Variants in COL22A1 observed in about 807,000 individuals in gnomAD.
COL22A1 encodes collagen type XXII alpha 1 chain.
A neutral mutation model predicts 248.9 loss-of-function variants in COL22A1; 221 were observed. The ratio of observed to expected loss-of-function variants is 0.89; its 90% CI spans 0.80 to 0.99. COL22A1 has a LOEUF of 0.99. Among genes scored for constraint, COL22A1 ranks in the 50% least tolerant of loss-of-function variants. The pLI is 0.00. For synonymous variants in COL22A1, 891 were observed against 793.4 expected, an observed-to-expected ratio of 1.12 and a Z score of -2.07; for missense variants, 2,240 against 2,179.0, an observed-to-expected ratio of 1.03 and a Z score of -0.56.
intron 49 of COL22A1, among the ~76,000 whole-genome samples, chr8:138,633,277 T>A (rs182856289): frequency 6.6e-6 from 1 of 152,326 alleles, no homozygotes; most frequent in Admixed American, 6.5e-5. Flanking sequence ...TCAATAAACA[T>A]CTGCCAAGTG....
intron 41 of COL22A1, among the ~76,000 whole-genome samples, chr8:138,671,572 G>T (rs555807796): frequency 1.3e-5 from 2 of 152,176 alleles, no homozygotes; most frequent in Non-Finnish European, 2.9e-5. Flanking sequence ...GCGTTCTCTC[G>T]CAGATCTTGC....
intron 4 of COL22A1, among the ~76,000 whole-genome samples, chr8:138,840,167 T>C (rs559947958): frequency 3.3e-5 from 5 of 152,266 alleles, no homozygotes; most frequent in Admixed American, 3.3e-4. Flanking sequence ...CCCAATGGCA[T>C]TTAAATTGGC....
At chr8:138,743,102 ATGAGGG>A (rs1362919295) in intron 22 of COL22A1, among the ~76,000 whole-genome samples, 4 of 138,850 alleles carry the variant, frequency 2.9e-5, no homozygotes, top group Admixed American at 1.4e-4. Context: ...GGTGGAGTTG[ATGAGGG>A]TGATGGTGGT....
chr8:138,659,521 T>TGTCTAAGAAAGAC (rs1823597240), intron 44 of COL22A1, among the ~76,000 whole-genome samples: 4 of 152,220 alleles, frequency 2.6e-5, no homozygotes, highest in African/African-American at 9.6e-5. Context: ...CCAGTCTTGG[T>TGTCTAAGAAAGAC]TGCTGCTGTC....
At chr8:138,755,882 G>A (rs1252572818) in intron 18 of COL22A1, 53 bp from the exon 19 acceptor site, 16 of 1,510,634 alleles carry the variant, frequency 1.1e-5, no homozygotes, top group African/African-American at 9.6e-5. Flanking sequence ...ACCTTCTGTG[G>A]CAGTCCCATC....
Position 138,709,310 on chromosome 8 carries a change from A to G in COL22A1, c.2518-5963T>C, listed in dbSNP as rs1586529493. Among the ~76,000 whole-genome samples the G allele has an allele frequency of 3.3e-5, 5 of 152,310 alleles. No homozygotes were observed. In the South Asian group the frequency reaches 1.0e-3, roughly 32 times the overall value. On this transcript the variant is annotated intron_variant, in intron 30 of 64. Transcript: ENST00000303045. The stretch of plus-strand genomic sequence containing the variant: ...TAGGTATATACCCAAAGGATTATAA[A>G]TCATGCTGCTATAAAGACACATGCA...
chr8:138,597,354 T>C (rs1257289610), intron 61 of COL22A1, among the ~76,000 whole-genome samples: 1 of 152,196 alleles, frequency 6.6e-6, no homozygotes, highest in African/African-American at 2.4e-5. Context: ...GTGTCCACCT[T>C]TTGGACATAG....
intron 1 of COL22A1, among the ~76,000 whole-genome samples, chr8:138,900,531 G>A: frequency 6.6e-6 from 1 of 152,198 alleles, no homozygotes. Context: ...ACTTCCTTAA[G>A]AAGAGGCTGC....
At chr8:138,757,156 A>G (rs771282252) in intron 18 of COL22A1, among the ~76,000 whole-genome samples, 7 of 152,322 alleles carry the variant, frequency 4.6e-5, no homozygotes, top group Non-Finnish European at 1.0e-4. Context: ...GAAGATCTCC[A>G]TACACTCAGA....
At chr8:138,593,922 G>T in intron 63 of COL22A1, 95 bp downstream of exon 63, 1 of 930,126 alleles carries the variant, frequency 1.1e-6, no homozygotes, top group South Asian at 2.2e-5. Context: ...GAATGAGAGT[G>T]GCATGAATAA....
At chr8:138,760,331 A>G (rs1165895239) in intron 17 of COL22A1, 44 bp from the exon 18 acceptor site, 1 of 1,562,068 alleles carries the variant, frequency 6.4e-7, no homozygotes, top group Non-Finnish European at 8.7e-7. Context: ...GGCACTACGG[A>G]TACGGTGGTG....
At chr8:138,850,790 A>G (rs1821582546) in intron 3 of COL22A1, among the ~76,000 whole-genome samples, 1 of 152,140 alleles carries the variant, frequency 6.6e-6, no homozygotes, top group Non-Finnish European at 1.5e-5. Context: ...CTGTTTCCAA[A>G]CTCAAAAACA....
intron 3 of COL22A1, among the ~76,000 whole-genome samples, chr8:138,877,329 C>T (rs1823796675): frequency 2.0e-5 from 3 of 152,186 alleles, no homozygotes; most frequent in Admixed American, 6.5e-5. Context: ...CCTGCTATAC[C>T]CAATGCTTCA....
chr8:138,668,465 G>A (rs949826099), intron 41 of COL22A1, among the ~76,000 whole-genome samples: 9 of 152,052 alleles, frequency 5.9e-5, no homozygotes, highest in Admixed American at 5.2e-4. Flanking sequence ...CACATGCACA[G>A]CCATGCTATT....
intron 3 of COL22A1, among the ~76,000 whole-genome samples, chr8:138,874,606 G>C (rs1055091726): frequency 6.6e-6 from 1 of 152,200 alleles, no homozygotes; most frequent in East Asian, 1.9e-4. Context: ...TTTGCAGGCA[G>C]ACATGGCTCT....
At chr8:138,696,811 G>A (rs1004209094) in intron 32 of COL22A1, among the ~76,000 whole-genome samples, 1 of 152,346 alleles carries the variant, frequency 6.6e-6, no homozygotes, top group African/African-American at 2.4e-5. Flanking sequence ...TTGCCATTGA[G>A]CTCAGAAGGA....
chr8:138,613,508 ATTC>A (rs1819070199), intron 56 of COL22A1, among the ~76,000 whole-genome samples: 1 of 152,180 alleles, frequency 6.6e-6, no homozygotes, highest in Non-Finnish European at 1.5e-5. Flanking sequence ...CACGTACCAC[ATTC>A]CATTCATGGT....
intron 11 of COL22A1, 115 bp from the exon 12 acceptor site, chr8:138,796,972 G>T: frequency 1.3e-6 from 1 of 754,178 alleles, no homozygotes; most frequent in Non-Finnish European, 2.4e-6. Flanking sequence ...CATCAGCTCT[G>T]CCCAGTAGCC....
In COL22A1 at chr8:138,662,922, AG is replaced by A. The variant is rs1226261239; in HGVS notation, c.3186+782del. On this transcript the variant is annotated intron_variant, in intron 42 of 64. Transcript: ENST00000303045. ...TTCCAGCTACCGGGGAGGGCGAGGC[AG>A]GAGGATTGCTTGAACCCAGGAGGCG... Among the ~76,000 whole-genome samples, 9 of 151,298 alleles carry A rather than the reference AG, an allele frequency of 5.9e-5. No homozygotes were observed. In the South Asian group the frequency reaches 1.9e-3, roughly 32 times the overall value.
Sources: gnomAD v4.1 joint callset for allele counts (sites outside exome capture counted in the v4.1 genomes callset) on GRCh38, gnomAD v4.1.1 for gene constraint, MANE v1.5 for transcripts, NCBI Gene and HGNC (gene_info 2026-07-23, HGNC 2026-07-21) for gene names.